Variants in GAPVD1 observed in about 807,000 individuals in gnomAD.
GAPVD1 encodes the protein GTPase activating protein and VPS9 domains 1, also known as GTPase-activating protein and VPS9 domain-containing protein 1.
GAPVD1 carries 35 observed loss-of-function variants against 155.5 expected under a neutral mutation model. The observed-to-expected ratio is 0.23, with a 90% confidence interval of 0.17 to 0.30. The LOEUF is 0.30. Ranked by LOEUF, GAPVD1 falls within the 10% of genes least tolerant of loss-of-function variation. The pLI is 1.00. For missense variants in GAPVD1, 1,429 were observed against 1,775.7 expected, an observed-to-expected ratio of 0.80 and a Z score of 3.51; for synonymous variants, 636 against 619.7, an observed-to-expected ratio of 1.03 and a Z score of -0.39.
In GAPVD1 at chr9:125,360,708, G is replaced by T. The variant is rs1400846951; in HGVS notation, c.4225G>T (p.Val1409Leu). The T allele has an allele frequency of 1.2e-6, 2 of 1,613,788 alleles. No homozygotes were observed. The highest frequency in any genetic ancestry group is 2.2e-5 in the South Asian group (2 of 91,064). ...AGCGGATGACTTTGTTCCTGTGTTG[G>T]TGTTTGTGTTGATAAAGGTGGGCCC... ...PGADDFVPVL[V>L]FVLIKANPPC... is the part of the protein sequence containing the mutation. The change falls in exon 27 of 28, where the codon GTG (valine) becomes TTG (leucine). Residue 1409 changes from valine to leucine, a missense_variant. This residue lies in a region of GAPVD1 where 102 missense variants were observed against 196.5 expected (regional missense o/e 0.52). Coordinates refer to ENST00000297933, the MANE Select transcript of GAPVD1 (RefSeq NM_001282680.3).
Position 125,326,348 on chromosome 9 carries a change from C to G in GAPVD1, c.1859-68C>G, listed in dbSNP as rs879613027. On this transcript the variant is annotated intron_variant, in intron 11 of 27. Coordinates refer to ENST00000297933, the MANE Select transcript of GAPVD1 (RefSeq NM_001282680.3). ...GCCTGACCAACATGGAGATAAAATT[C>G]TTTAAAGTTGATTAAAAAGTCATAG... 30 of 1,130,792 alleles carry G rather than the reference C, an allele frequency of 2.7e-5. No homozygotes were observed. The Admixed American group carries it at 5.9e-4, about 22-fold the overall frequency. The allele number at this position is 1,130,792 out of a possible 1,614,324, so 70.0% of individuals were successfully genotyped here.
Position 125,291,218 on chromosome 9 carries a change from G to A in GAPVD1, c.-149-4240G>A, listed in dbSNP as rs562022430. 3.3e-5 allele frequency among the ~76,000 whole-genome samples: 5 copies of A among 152,270 alleles called. No individual in the cohort carries two copies. The East Asian group carries it at 7.7e-4, about 23-fold the overall frequency. On this transcript the variant is annotated intron_variant, in intron 2 of 27. Coordinates refer to ENST00000297933, the MANE Select transcript of GAPVD1 (RefSeq NM_001282680.3). ...GAGGGAGGATTGCTTGAGCCTGGGA[G>A]GTTGTGGCTACAGTGCTGTGATCAT... is the stretch of plus-strand genomic sequence containing the variant.
At chr9:125,318,875 C>G (rs1237981537) in intron 9 of GAPVD1, among the ~76,000 whole-genome samples, 1 of 151,676 alleles carries the variant, frequency 6.6e-6, no homozygotes, top group African/African-American at 2.4e-5. Context: ...TTGGCGAGAC[C>G]CTGTCTTAAT....
intron 3 of GAPVD1, among the ~76,000 whole-genome samples, chr9:125,297,228 G>A (rs538353397): frequency 2.9e-4 from 44 of 152,246 alleles, no homozygotes; most frequent in Non-Finnish European, 4.7e-4. Context: ...GAACTAGGCC[G>A]TCTCCTAGTC....
In GAPVD1 at chr9:125,338,929, T is replaced by TTGTGTGTG. The variant is rs144909106; in HGVS notation, c.2877+1360_2877+1367dup. ...ATGGTTTTCTGTCTTTTAAAAAAAT[T>TTGTGTGTG]TGTGTGTGTGTGTGTGTGTGTGTGT... On this transcript the variant is annotated intron_variant, in intron 17 of 27. Coordinates refer to ENST00000297933, the MANE Select transcript of GAPVD1 (RefSeq NM_001282680.3). Among the ~76,000 whole-genome samples the TTGTGTGTG allele has an allele frequency of 3.3e-3, 489 of 146,718 alleles. 1 individual carries two copies. Among genetic ancestry groups the TTGTGTGTG allele is most frequent in the African/African-American group, 0.01 (401 of 39,674 alleles).
intron 12 of GAPVD1, among the ~76,000 whole-genome samples, chr9:125,329,133 G>A (rs1661368899): frequency 6.6e-6 from 1 of 151,154 alleles, no homozygotes; most frequent in Admixed American, 6.6e-5. Context: ...GAGGGAGAGG[G>A]AGAGGTGTAA....
intron 9 of GAPVD1, among the ~76,000 whole-genome samples, chr9:125,320,289 A>G (rs201003008): frequency 6.6e-6 from 1 of 152,304 alleles, no homozygotes; most frequent in East Asian, 1.9e-4. Flanking sequence ...TAAGGTGGAG[A>G]TATACACACA....
At chr9:125,277,690 T>G (rs1375784928) in intron 2 of GAPVD1, among the ~76,000 whole-genome samples, 2 of 151,764 alleles carry the variant, frequency 1.3e-5, no homozygotes, top group African/African-American at 2.4e-5. Context: ...TGTCTGTTTT[T>G]TTTTTTTTTT....
chr9:125,299,334 C>A (rs1274365190), intron 4 of GAPVD1, among the ~76,000 whole-genome samples: 2 of 152,124 alleles, frequency 1.3e-5, no homozygotes, highest in East Asian at 3.8e-4. Flanking sequence ...TTATATCACA[C>A]CAATTGGTTT....
chr9:125,293,852 T>TTATATATA (rs1161661604), intron 2 of GAPVD1, among the ~76,000 whole-genome samples: 100 of 34,884 alleles, frequency 2.9e-3, no homozygotes, highest in South Asian at 4.0e-3. Context: ...AAAATATATT[T>TTATATATA]TATATATATA....
In GAPVD1 at chr9:125,291,077, A is replaced by G. The variant is rs193124949; in HGVS notation, c.-149-4381A>G. Among the ~76,000 whole-genome samples, 436 of 151,956 alleles carry G rather than the reference A, an allele frequency of 2.9e-3. 1 individual carries two copies. Among genetic ancestry groups the G allele is most frequent in the African/African-American group, 0.01 (419 of 41,452 alleles). On this transcript the variant is annotated intron_variant, in intron 2 of 27. Transcript: ENST00000297933. ...CAAGGCAAGAGGCTCACTTGAGCCC[A>G]GGAGTTTGGGACCAGCCTAGGCAAC...
chr9:125,355,786 G>A lies in GAPVD1; in HGVS notation c.3900G>A (p.Glu1300=), dbSNP rs749206737. Residue 1300 remains glutamate (E), a synonymous_variant, in exon 25 of 28, where the codon GAG becomes GAA. Transcript: ENST00000297933. ...EQLQDAQLAI[E]RSVMNRIFKL... is the part of the protein sequence containing the mutation. ...TTCAAGATGCACAGCTGGCCATTGA[G>A]CGAAGCGTGATGAACCGGATTTTCA... is the stretch of plus-strand genomic sequence containing the variant. 2.5e-6 allele frequency: 4 copies of A among 1,613,652 alleles called. No homozygotes were observed. The highest frequency in any genetic ancestry group is 1.3e-5 in the African/African-American group (1 of 75,004).
At chr9:125,309,871 A>T (rs1842404337) in intron 8 of GAPVD1, 1 of 398,530 alleles carries the variant, frequency 2.5e-6, no homozygotes. Context: ...TATCTTAACA[A>T]ATCTGTCCAT....
intron 2 of GAPVD1, among the ~76,000 whole-genome samples, chr9:125,284,897 A>C (rs1196318666): frequency 1.3e-5 from 2 of 152,232 alleles, no homozygotes; most frequent in Non-Finnish European, 2.9e-5. Flanking sequence ...ATATTGTATA[A>C]AAGCTCCATT....
chr9:125,284,966 G>A (rs1045045904), intron 2 of GAPVD1, among the ~76,000 whole-genome samples: 1 of 152,154 alleles, frequency 6.6e-6, no homozygotes, highest in African/African-American at 2.4e-5. Flanking sequence ...TTTATGTGGC[G>A]CATGACTGTA....
intron 2 of GAPVD1, among the ~76,000 whole-genome samples, chr9:125,275,105 A>G (rs186861962): frequency 2.0e-5 from 3 of 151,718 alleles, no homozygotes; most frequent in Admixed American, 1.3e-4. Context: ...TTTCTTTGAG[A>G]CATCTTGTCA....
Position 125,312,473 on chromosome 9 carries a change from C to T in GAPVD1, c.1463C>T (p.Thr488Ile). 4 of 1,591,236 alleles carry T rather than the reference C, an allele frequency of 2.5e-6. No individual in the cohort carries two copies. Among genetic ancestry groups the T allele is most frequent in the Non-Finnish European group, 3.4e-6 (4 of 1,172,482 alleles). Residue 488 changes from threonine (T) to isoleucine (I), a missense_variant, in exon 9 of 28, where the codon ACC becomes ATC. Thr to Ile is a moderately conservative substitution (Grantham distance 89, BLOSUM62 -1). Around this residue, in one of 4 missense-constraint regions of GAPVD1, gnomAD observed 628 missense variants for 733.4 expected, o/e 0.86. Coordinates refer to ENST00000297933, the MANE Select transcript of GAPVD1 (RefSeq NM_001282680.3). ...LPIATRSRSR[T>I]NMLMDLHMDH... ...TTAGCAACTCGGAGCAGAAGCCGCACCAATATGCTAATGGACCTACATATG... is the reference window on the plus strand; with the variant it reads ...TTAGCAACTCGGAGCAGAAGCCGCATCAATATGCTAATGGACCTACATATG...
Position 125,334,232 on chromosome 9 carries a change from G to A in GAPVD1, c.2428+1603G>A, listed in dbSNP as rs533188387. Among the ~76,000 whole-genome samples, 42 of 146,796 alleles carry A rather than the reference G, an allele frequency of 2.9e-4. 1 individual carries two copies. In the South Asian group the frequency reaches 8.9e-3, roughly 31 times the overall value. ...GATAAAATTTGCTGGGGCCCTAGCA[G>A]GATGCAAGGGCACCACACTGTATTC... On this transcript the variant is annotated intron_variant, in intron 15 of 27. Coordinates refer to ENST00000297933, the MANE Select transcript of GAPVD1 (RefSeq NM_001282680.3).
intron 2 of GAPVD1, among the ~76,000 whole-genome samples, chr9:125,273,877 A>C (rs1271956550): frequency 2.0e-5 from 3 of 151,988 alleles, no homozygotes; most frequent in Admixed American, 6.6e-5. Context: ...CTTGGCTGTC[A>C]TGGCACAGAG....
Sources: gnomAD v4.1 joint callset for allele counts (sites outside exome capture counted in the v4.1 genomes callset) on GRCh38, gnomAD v4.1.1 for gene constraint, gnomAD v4.1.1 regional missense constraint, MANE v1.5 for transcripts, NCBI Gene and HGNC (gene_info 2026-07-23, HGNC 2026-07-21) for gene names.